NME9: variants seen among roughly 807,000 people sequenced by gnomAD.
The protein encoded by NME9 is thioredoxin domain-containing protein 6.
In NME9, 48 loss-of-function variants were observed where a neutral mutation model predicts 44.4. That is an observed-to-expected ratio of 1.08 (90% CI 0.86 to 1.37). The LOEUF (loss-of-function observed/expected upper bound fraction) is 1.37. NME9 is among the 40% of genes most tolerant of loss of function. NME9 has a pLI of 0.00. For missense variants in NME9, 325 were observed against 405.2 expected (o/e 0.80, Z 1.70); for synonymous variants, 139 against 147.1 (o/e 0.94, Z 0.40).
chr3:138,271,798 C>CTTTTTTTTTTTTTTTTTTTTTTT (rs776320900), intron 8 of NME9, among the ~76,000 whole-genome samples: 1 of 136,134 alleles, frequency 7.3e-6, no homozygotes, highest in African/African-American at 2.8e-5. Context: ...TTTTTTCTTT[C>CTTTTTTTTTTTTTTTTTTTTTTT]TTTTTTTTTT....
chr3:138,289,010 C>T (rs2050697335), intron 8 of NME9: 3 of 1,549,172 alleles, frequency 1.9e-6, no homozygotes, highest in Non-Finnish European at 2.7e-6. Context: ...ATGAGATTAC[C>T]ACCATTTTGA....
intron 8 of NME9, chr3:138,274,428 G>T (rs1296939712): frequency 6.8e-7 from 1 of 1,476,936 alleles, no homozygotes; most frequent in Admixed American, 1.8e-5. Context: ...TGATAATTAT[G>T]GATTTCCCAT....
At chr3:138,267,274 C>T in intron 8 of NME9, 5 of 1,342,756 alleles carry the variant, frequency 3.7e-6, no homozygotes, top group Middle Eastern at 1.9e-4. Context: ...TAGACTTTGC[C>T]CAGTCCAGCT....
intron 6 of NME9, among the ~76,000 whole-genome samples, chr3:138,314,095 A>T (rs2052898583): frequency 6.6e-6 from 1 of 152,240 alleles, no homozygotes; most frequent in Admixed American, 6.5e-5. Flanking sequence ...ATAAATATTT[A>T]AGGTGATGGA....
At chr3:138,304,715 G>A (rs1014082017) in intron 9 of NME9, among the ~76,000 whole-genome samples, 158 bp downstream of exon 9, 38 of 152,344 alleles carry the variant, frequency 2.5e-4, no homozygotes, top group Middle Eastern at 3.4e-3. Flanking sequence ...GGAACAGAGC[G>A]GGAAGATGTC....
intron 8 of NME9, chr3:138,263,642 T>G: frequency 8.9e-7 from 1 of 1,122,334 alleles, no homozygotes; most frequent in Admixed American, 1.7e-5. Flanking sequence ...AAAAACAACG[T>G]TAAACTTTTA....
At chr3:138,266,762 A>G (rs917304861) in intron 8 of NME9, among the ~76,000 whole-genome samples, 1 of 152,180 alleles carries the variant, frequency 6.6e-6, no homozygotes, top group African/African-American at 2.4e-5. Context: ...TTCTAAGGAC[A>G]CATCAGAAAG....
chr3:138,308,310 AAAT>A (rs1194936014), intron 6 of NME9, among the ~76,000 whole-genome samples: 1 of 152,166 alleles, frequency 6.6e-6, no homozygotes, highest in East Asian at 1.9e-4. Context: ...ATAATTTAAA[AAAT>A]CTTCCTCCTC....
At chr3:138,324,487 C>T (rs1490718165) in intron 2 of NME9, 23 of 462,808 alleles carry the variant, frequency 5.0e-5, no homozygotes, top group Non-Finnish European at 9.9e-5. Context: ...CTGCTGTTTC[C>T]TAATGACTGC....
At chr3:138,267,426 CATT>C (rs1013136799) in intron 8 of NME9, among the ~76,000 whole-genome samples, 6 of 152,178 alleles carry the variant, frequency 3.9e-5, no homozygotes, top group African/African-American at 1.4e-4. Context: ...TATCATTTCC[CATT>C]ATTCTTGTTA....
At chr3:138,323,851 G>A (rs1014123702) in intron 2 of NME9, among the ~76,000 whole-genome samples, 10 of 152,176 alleles carry the variant, frequency 6.6e-5, no homozygotes, top group Non-Finnish European at 1.0e-4. Context: ...AGTAAAGAGT[G>A]GGTGACAGTA....
At chr3:138,262,499 C>G in exon 9 of NME9, 1 of 1,586,014 alleles carries the variant, frequency 6.3e-7, no homozygotes, top group Non-Finnish European at 8.5e-7. Context: ...AGGTTTTCCA[C>G]TCTCTCATGT....
Position 138,301,602 on chromosome 3 carries a change from C to A in NME9, c.*38G>T. 4.6e-6 allele frequency: 7 copies of A among 1,535,836 alleles called. No homozygotes were observed. The highest frequency in any genetic ancestry group is 6.1e-6 in the Non-Finnish European group (7 of 1,146,766). ...CCGGAGGTCTGTTTTGTGCAGTAGA[C>A]CCCTGGTCACGTGCTCTGGAAGAGC... is the stretch of plus-strand genomic sequence containing the variant. On this transcript the variant is annotated 3_prime_UTR_variant, in exon 11 of 11. Transcript: ENST00000333911.
At chr3:138,306,151 G>T in intron 7 of NME9, 55 bp from the exon 8 acceptor site, 2 of 1,277,766 alleles carry the variant, frequency 1.6e-6, no homozygotes, top group East Asian at 2.3e-5. Flanking sequence ...AATTCACATT[G>T]ATTAATTAAT....
chr3:138,292,985 A>G (rs902083279), intron 8 of NME9, among the ~76,000 whole-genome samples: 9 of 152,286 alleles, frequency 5.9e-5, no homozygotes, highest in Admixed American at 5.2e-4. Flanking sequence ...TTCAAAACTC[A>G]TATCAGGTTG....
intron 2 of NME9, among the ~76,000 whole-genome samples, chr3:138,320,927 G>A (rs1367022052): frequency 6.6e-6 from 1 of 152,182 alleles, no homozygotes; most frequent in East Asian, 1.9e-4. Flanking sequence ...TATTAGAAGA[G>A]GGAGCTAATA....
chr3:138,278,942 C>G (rs1248040932), intron 8 of NME9, among the ~76,000 whole-genome samples: 15 of 152,150 alleles, frequency 9.9e-5, no homozygotes, highest in Non-Finnish European at 1.5e-4. Flanking sequence ...GCGTGAATTA[C>G]TTAAAATTTT....
In NME9 at chr3:138,303,642, G is replaced by T. The variant is rs765700748; in HGVS notation, c.793C>A (p.Leu265Ile). Residue 265 changes from leucine to isoleucine, a missense_variant and splice_region_variant, in exon 10 of 11, where the codon CTC becomes ATC. Coordinates refer to ENST00000333911, the MANE Select transcript of NME9 (RefSeq NM_001349018.2). ...ATTTCTGTGCCGTACTGAGCTCGGAGACTGGGAACATTGGCAAAATGTAAA... is the reference window on the plus strand; with the variant it reads ...ATTTCTGTGCCGTACTGAGCTCGGATACTGGGAACATTGGCAAAATGTAAA... ...NVARREQPES[L>I]RAQYGTEMPF... 6.3e-7 allele frequency: 1 copy of T among 1,596,330 alleles called. No homozygotes were observed. The highest frequency in any genetic ancestry group is 1.1e-5 in the South Asian group (1 of 89,456).
At chr3:138,277,478 G>C (rs2049411695) in intron 8 of NME9, among the ~76,000 whole-genome samples, 1 of 152,216 alleles carries the variant, frequency 6.6e-6, no homozygotes, top group Admixed American at 6.5e-5. Context: ...TCCACCGGAA[G>C]GAATATTTGT....
Sources: gnomAD v4.1 joint callset for allele counts (sites outside exome capture counted in the v4.1 genomes callset) on GRCh38, gnomAD v4.1.1 for gene constraint, MANE v1.5 for transcripts, NCBI Gene and HGNC (gene_info 2026-07-23, HGNC 2026-07-21) for gene names.